Variants in IL1RAPL2 observed in about 807,000 individuals in gnomAD.
The protein encoded by IL1RAPL2 is interleukin 1 receptor accessory protein like 2.
IL1RAPL2 carries 3 observed loss-of-function variants against 44.1 expected under a neutral mutation model. The observed-to-expected ratio is 0.07, with a 90% CI of 0.03 to 0.18. IL1RAPL2 has a LOEUF of 0.18. IL1RAPL2 is among the 10% of genes least tolerant of loss of function. The pLI, the probability that IL1RAPL2 is intolerant of heterozygous loss-of-function variation, is 1.00. For synonymous variants in IL1RAPL2, 181 were observed against 178.8 expected (o/e 1.01, Z -0.10); for missense variants, 391 against 496.4 (o/e 0.79, Z 2.02).
chrX:105,562,095 C>T (rs764195827), intron 6 of IL1RAPL2, among the ~76,000 whole-genome samples: 91 of 111,208 alleles, frequency 8.2e-4, no homozygotes, highest in African/African-American at 2.8e-3. Flanking sequence ...GTCACTGACC[C>T]GTGTTATATA....
At chrX:105,054,104 TGG>T (rs983090360) in intron 2 of IL1RAPL2, among the ~76,000 whole-genome samples, 1 of 111,487 alleles carries the variant, frequency 9.0e-6, no homozygotes, top group African/African-American at 3.3e-5. Flanking sequence ...AGGGTCAAAG[TGG>T]GAACCCTCTG....
At chrX:104,764,237 CATT>C (rs1932516879) in intron 2 of IL1RAPL2, among the ~76,000 whole-genome samples, 1 of 110,120 alleles carries the variant, frequency 9.1e-6, no homozygotes, top group East Asian at 2.9e-4. Flanking sequence ...CAATTTCTTT[CATT>C]AGTGTTTTAT....
chrX:105,660,805 TAAAAC>T (rs2037714362), intron 6 of IL1RAPL2, among the ~76,000 whole-genome samples: 1 of 110,500 alleles, frequency 9.0e-6, no homozygotes, highest in Non-Finnish European at 1.9e-5. Context: ...AGCAATAAAT[TAAAAC>T]ACATCACTGA....
At chrX:104,971,652 T>A (rs980248654) in intron 2 of IL1RAPL2, among the ~76,000 whole-genome samples, 5 of 111,416 alleles carry the variant, frequency 4.5e-5, no homozygotes, top group Non-Finnish European at 9.4e-5. Flanking sequence ...TCTTGAACTC[T>A]CTTTAGTCCC....
chrX:104,903,926 A>G (rs765694844), intron 2 of IL1RAPL2, among the ~76,000 whole-genome samples: 3 of 111,600 alleles, frequency 2.7e-5, no homozygotes, highest in Non-Finnish European at 5.6e-5. Context: ...AGAAGGGATA[A>G]GTAGTGTTCT....
At chrX:104,659,536 A>G (rs1479947043) in intron 2 of IL1RAPL2, among the ~76,000 whole-genome samples, 1 of 112,191 alleles carries the variant, frequency 8.9e-6, no homozygotes, top group Non-Finnish European at 1.9e-5. Context: ...GCAGGCAGCC[A>G]TGACTGTACT....
At chrX:105,185,961 A>C (rs2033581901) in intron 2 of IL1RAPL2, among the ~76,000 whole-genome samples, 1 of 112,071 alleles carries the variant, frequency 8.9e-6, no homozygotes, top group Non-Finnish European at 1.9e-5. Flanking sequence ...CATGGATCAA[A>C]AATATTAAAA....
intron 3 of IL1RAPL2, among the ~76,000 whole-genome samples, chrX:105,222,391 C>T (rs1242482221): frequency 2.7e-5 from 3 of 111,579 alleles, no homozygotes; most frequent in Non-Finnish European, 3.8e-5. Context: ...GTAGTTAAAC[C>T]CCAGAGGCAT....
chrX:105,686,094 A>C (rs977332018), intron 6 of IL1RAPL2, among the ~76,000 whole-genome samples: 3 of 111,269 alleles, frequency 2.7e-5, no homozygotes, highest in African/African-American at 9.8e-5. Flanking sequence ...AGACACTGCA[A>C]AAACATGACA....
At chrX:104,690,906 C>T (rs1223519657) in intron 2 of IL1RAPL2, among the ~76,000 whole-genome samples, 1 of 111,882 alleles carries the variant, frequency 8.9e-6, no homozygotes, top group Non-Finnish European at 1.9e-5. Flanking sequence ...AGCACTGATA[C>T]AAAGGCATCC....
At chrX:104,942,697 G>A (rs1362694790) in intron 2 of IL1RAPL2, among the ~76,000 whole-genome samples, 2 of 111,010 alleles carry the variant, frequency 1.8e-5, no homozygotes, top group African/African-American at 6.6e-5. Flanking sequence ...TCCTTCTCCT[G>A]CCTGATTGCC....
At chrX:105,045,810 G>T (rs901551217) in intron 2 of IL1RAPL2, among the ~76,000 whole-genome samples, 4 of 111,132 alleles carry the variant, frequency 3.6e-5, no homozygotes, top group African/African-American at 9.8e-5. Context: ...AAATCCTCCT[G>T]CCTCAGCCTC....
intron 5 of IL1RAPL2, among the ~76,000 whole-genome samples, chrX:105,425,899 C>T (rs964225238): frequency 9.1e-6 from 1 of 110,423 alleles, no homozygotes; most frequent in Non-Finnish European, 1.9e-5. Flanking sequence ...AGCCCAGACC[C>T]CTGTCAGGAA....
At chrX:104,693,792 T>C (rs1334538859) in intron 2 of IL1RAPL2, among the ~76,000 whole-genome samples, 1 of 111,773 alleles carries the variant, frequency 8.9e-6, no homozygotes, top group Admixed American at 9.5e-5. Context: ...GACTGAAATA[T>C]GGGAATCATT....
At chrX:104,598,040 TTTA>T (rs1381210894) in intron 1 of IL1RAPL2, among the ~76,000 whole-genome samples, 3 of 112,071 alleles carry the variant, frequency 2.7e-5, no homozygotes, top group Non-Finnish European at 5.6e-5. Flanking sequence ...ATATTGTCTT[TTTA>T]TTCTAATTTT....
At position 104,573,747 on chromosome X, in the gene IL1RAPL2, G is replaced by A. The variant is rs185520818; in HGVS notation, c.-20+6696G>A. On this transcript the variant is annotated intron_variant, in intron 1 of 10. Coordinates refer to ENST00000372582, the MANE Select transcript of IL1RAPL2 (RefSeq NM_017416.2). ...GAAATTATAATGATTAAAATACTAT[G>A]GTACTTGTGTAGGATCAGACACATT... Among the ~76,000 whole-genome samples, 100 of 112,116 alleles carry A rather than the reference G, an allele frequency of 8.9e-4. 1 individual carries two copies. Among genetic ancestry groups the A allele is most frequent in the Non-Finnish European group, 2.4e-4 (13 of 53,200 alleles).
intron 1 of IL1RAPL2, among the ~76,000 whole-genome samples, chrX:104,630,097 C>G (rs1189423810): frequency 7.3e-5 from 8 of 109,835 alleles, no homozygotes; most frequent in Admixed American, 1.9e-4. Flanking sequence ...AATTCCCCTG[C>G]CTCAGCCTCC....
chrX:104,637,461 T>C (rs990624474), intron 1 of IL1RAPL2, among the ~76,000 whole-genome samples: 1 of 111,238 alleles, frequency 9.0e-6, no homozygotes, highest in African/African-American at 3.3e-5. Flanking sequence ...TTTTGATATA[T>C]AGCCTTTATT....
chrX:105,152,109 A>G (rs1293799436), intron 2 of IL1RAPL2, among the ~76,000 whole-genome samples: 1 of 111,053 alleles, frequency 9.0e-6, no homozygotes. Context: ...GAACTTACTC[A>G]TGTAACCAAA....
Sources: gnomAD v4.1 joint callset for allele counts (sites outside exome capture counted in the v4.1 genomes callset) on GRCh38, gnomAD v4.1.1 for gene constraint, MANE v1.5 for transcripts, NCBI Gene and HGNC (gene_info 2026-07-23, HGNC 2026-07-21) for gene names.